Variants in SORT1 observed in about 807,000 individuals in gnomAD.
SORT1 encodes the protein sortilin.
A neutral mutation model predicts 101.7 loss-of-function variants in SORT1; 39 were observed. The observed-to-expected ratio is 0.38, with a 90% CI of 0.30 to 0.50. SORT1 has a LOEUF of 0.50. Ranked by LOEUF, SORT1 falls within the 20% of genes least tolerant of loss-of-function variation. The pLI is 0.90. For missense variants in SORT1, 878 were observed against 1,040.4 expected (o/e 0.84, Z 2.15); for synonymous variants, 396 against 393.7 (o/e 1.01, Z -0.07).
At chr1:109,316,047 C>G (rs1380602086) in intron 17 of SORT1, among the ~76,000 whole-genome samples, 1 of 151,818 alleles carries the variant, frequency 6.6e-6, no homozygotes, top group Non-Finnish European at 1.5e-5. Flanking sequence ...CAGGAGTAAG[C>G]CACCATGCCC....
chr1:109,364,162 T>C (rs906071394), intron 3 of SORT1, among the ~76,000 whole-genome samples: 5 of 152,090 alleles, frequency 3.3e-5, no homozygotes, highest in South Asian at 2.1e-4. Flanking sequence ...ACAAATAGAA[T>C]TGCACTCTAG....
At chr1:109,359,479 G>A (rs1650569100) in intron 3 of SORT1, among the ~76,000 whole-genome samples, 1 of 151,666 alleles carries the variant, frequency 6.6e-6, no homozygotes. Context: ...TTACATCCCA[G>A]CAGCCTCAAA....
chr1:109,366,915 A>T (rs1477476043), intron 3 of SORT1: 1 of 152,058 alleles, frequency 6.6e-6, no homozygotes, highest in African/African-American at 2.4e-5. Context: ...CTGCTCAAAA[A>T]AAAAAAAAGA....
intron 12 of SORT1, 143 bp downstream of exon 12, chr1:109,327,356 G>T: frequency 2.8e-6 from 2 of 708,652 alleles, no homozygotes; most frequent in Non-Finnish European, 4.7e-6. Context: ...AACCCAAAGT[G>T]TTGTTATAAT....
chr1:109,347,438 G>C, intron 7 of SORT1, 45 bp downstream of exon 7: 2 of 1,367,316 alleles, frequency 1.5e-6, no homozygotes, highest in Non-Finnish European at 2.1e-6. Flanking sequence ...ATTCTACCAT[G>C]AATGGACAAC....
chr1:109,383,950 G>T (rs769137971), intron 1 of SORT1, among the ~76,000 whole-genome samples: 1 of 152,122 alleles, frequency 6.6e-6, no homozygotes, highest in Non-Finnish European at 1.5e-5. Flanking sequence ...TCTACAAAAC[G>T]CTGCGTGAAA....
chr1:109,361,415 C>A (rs548454208), intron 3 of SORT1, among the ~76,000 whole-genome samples: 7 of 152,250 alleles, frequency 4.6e-5, no homozygotes, highest in South Asian at 4.1e-4. Flanking sequence ...CACATTTTTA[C>A]GAATATTCTA....
At chr1:109,333,601 C>T (rs2101566323) in intron 11 of SORT1, among the ~76,000 whole-genome samples, 1 of 152,172 alleles carries the variant, frequency 6.6e-6, no homozygotes, top group South Asian at 2.1e-4. Flanking sequence ...CCTGAACAGC[C>T]ATTTATCAAA....
intron 1 of SORT1, 51 bp downstream of exon 1, chr1:109,397,536 C>G: frequency 4.6e-6 from 5 of 1,089,972 alleles, no homozygotes; most frequent in Non-Finnish European, 5.6e-6. Context: ...GGGAGGGGCA[C>G]GCGGGCGGCA....
At chr1:109,354,033 C>CG (rs1650140390) in intron 5 of SORT1, among the ~76,000 whole-genome samples, 1 of 152,132 alleles carries the variant, frequency 6.6e-6, no homozygotes. Context: ...GGAACAATGA[C>CG]AACATCAGGA....
intron 15 of SORT1, among the ~76,000 whole-genome samples, chr1:109,318,832 A>G (rs923479382): frequency 1.3e-5 from 2 of 152,084 alleles, no homozygotes; most frequent in African/African-American, 4.8e-5. Flanking sequence ...CTTTGTAAAG[A>G]TGAGGTCTTG....
chr1:109,366,326 C>G (rs1260248780), intron 3 of SORT1, among the ~76,000 whole-genome samples: 1 of 152,134 alleles, frequency 6.6e-6, no homozygotes, highest in Non-Finnish European at 1.5e-5. Context: ...CTCCTTCTTA[C>G]CTAAAAATAA....
intron 10 of SORT1, among the ~76,000 whole-genome samples, chr1:109,339,443 G>C (rs1412060759): frequency 6.6e-6 from 1 of 152,170 alleles, no homozygotes; most frequent in Admixed American, 6.5e-5. Context: ...GACTCAATTA[G>C]AAGCTTCCTC....
chr1:109,337,181 A>G (rs1277649874), intron 10 of SORT1, among the ~76,000 whole-genome samples: 1 of 152,110 alleles, frequency 6.6e-6, no homozygotes, highest in Admixed American at 6.6e-5. Context: ...CTTATTTTCA[A>G]TGATATAAAC....
intron 15 of SORT1, 56 bp downstream of exon 15, chr1:109,322,876 C>G (rs934837897): frequency 2.1e-6 from 3 of 1,440,494 alleles, no homozygotes; most frequent in Admixed American, 3.7e-5. Flanking sequence ...AGAAAACTGT[C>G]TTTCACCTCC....
chr1:109,397,910 G>T lies in SORT1; in HGVS notation c.-18C>A. 2.6e-6 allele frequency: 3 copies of T among 1,144,202 alleles called. No individual in the cohort carries two copies. The highest frequency in any genetic ancestry group is 4.1e-5 in the South Asian group (1 of 24,510). The allele number at this position is 1,144,202 out of a possible 1,614,324, so 70.9% of individuals were successfully genotyped here. On this transcript the variant is annotated 5_prime_UTR_variant, in exon 1 of 20. Coordinates refer to ENST00000256637, the MANE Select transcript of SORT1 (RefSeq NM_002959.7). ...CGCTCCATCGCCGCCGAATGCCGCCGACGCCGACACCTGCCGCCCGGCGCG... is the reference window on the plus strand; with the variant it reads ...CGCTCCATCGCCGCCGAATGCCGCCTACGCCGACACCTGCCGCCCGGCGCG...
chr1:109,323,318 G>C (rs1034771914), intron 14 of SORT1, among the ~76,000 whole-genome samples, 197 bp from the exon 15 acceptor site: 11 of 152,218 alleles, frequency 7.2e-5, no homozygotes, highest in Admixed American at 2.6e-4. Flanking sequence ...CATGCCAAAA[G>C]AGTATTCCTT....
rs776547659 is a variant in SORT1, at chr1:109,324,890, G to C, written c.1834+9C>G. ...GTTTCTGGTAGAAAAGGTCAAAGGA[G>C]ACACTCACAGTTCCTTTCAAGGATA... On this transcript the variant is annotated intron_variant, in intron 14 of 19. Coordinates refer to ENST00000256637, the MANE Select transcript of SORT1 (RefSeq NM_002959.7). 2 of 1,564,254 alleles carry C rather than the reference G, an allele frequency of 1.3e-6. No individual in the cohort carries two copies. The highest frequency in any genetic ancestry group is 2.7e-5 in the African/African-American group (2 of 73,598).
intron 11 of SORT1, among the ~76,000 whole-genome samples, chr1:109,328,054 T>C (rs1648203931): frequency 1.3e-5 from 2 of 152,232 alleles, no homozygotes; most frequent in South Asian, 4.1e-4. Flanking sequence ...TGTCAGAATT[T>C]CCTCCCTTTT....
Sources: allele counts gnomAD v4.1 joint callset (sites outside exome capture counted in the v4.1 genomes callset), GRCh38; gene constraint gnomAD v4.1.1; transcripts MANE v1.5; gene names NCBI Gene and HGNC (gene_info 2026-07-23, HGNC 2026-07-21).